DAZAP1: variants seen among roughly 807,000 people sequenced by gnomAD.
The protein encoded by DAZAP1 is DAZ-associated protein 1.
Under a neutral mutation model 60.1 loss-of-function variants are expected in DAZAP1, and 6 were observed. The ratio of observed to expected loss-of-function variants is 0.10; its 90% confidence interval spans 0.05 to 0.20. The LOEUF (loss-of-function observed/expected upper bound fraction) is 0.20, where lower values mean the gene tolerates loss of function less well. Among genes scored for constraint, DAZAP1 ranks in the 10% least tolerant of loss-of-function variants. DAZAP1 has a pLI of 1.00. For synonymous variants in DAZAP1, 235 were observed against 215.9 expected (o/e 1.09, Z -0.78); for missense variants, 366 against 560.4 (o/e 0.65, Z 3.50).
At chr19:1,431,803 C>T (rs2083459257) in intron 10 of DAZAP1, among the ~76,000 whole-genome samples, 1 of 152,180 alleles carries the variant, frequency 6.6e-6, no homozygotes, top group African/African-American at 2.4e-5. Context: ...GATTGCACCT[C>T]ACAGCACGCA....
chr19:1,433,460 C>T lies in DAZAP1; in HGVS notation c.1048+770C>T, dbSNP rs1007225041. 7 of 469,836 alleles carry T rather than the reference C, an allele frequency of 1.5e-5. No individual in the cohort carries two copies. Among genetic ancestry groups the T allele is most frequent in the South Asian group, 1.0e-4 (4 of 39,358 alleles). The allele number at this position is 469,836 out of a possible 1,614,324, so 29.1% of individuals were successfully genotyped here. A position where few individuals can be genotyped will look rare whatever the true frequency, so the allele number is the denominator to read the frequency against. The stretch of plus-strand genomic sequence containing the variant: ...CGGGCTTCCGGGGTGCCTGTGAACA[C>T]GCTTCCTCTAGGCCTGGTGGAGGCC... On this transcript the variant is annotated intron_variant, in intron 11 of 11. Coordinates refer to ENST00000233078, the MANE Select transcript of DAZAP1 (RefSeq NM_018959.4). This position sits in a 1 kb window ranked among gnomAD's most constrained non-coding sequence, Gnocchi z 6.1.
Position 1,407,727 on chromosome 19 carries a change from G to C in DAZAP1, c.-47G>C. Reference sequence around the variant, plus strand: ...AGCGGGTGACCTTCCGGAGGCGGGAGCGAGCGAGGAGGCCCGGGAGCGCCG... The same window carrying C: ...AGCGGGTGACCTTCCGGAGGCGGGACCGAGCGAGGAGGCCCGGGAGCGCCG... On this transcript the variant is annotated 5_prime_UTR_variant, in exon 1 of 12. Transcript: ENST00000233078. 1 of 1,073,770 alleles carries C rather than the reference G, an allele frequency of 9.3e-7. No homozygotes were observed. Among genetic ancestry groups the C allele is most frequent in the South Asian group, 4.1e-5 (1 of 24,458 alleles). The allele number at this position is 1,073,770 out of a possible 1,614,324, so 66.5% of individuals were successfully genotyped here.
chr19:1,408,086 A>T (rs1036101520), intron 1 of DAZAP1, among the ~76,000 whole-genome samples: 9 of 145,352 alleles, frequency 6.2e-5, no homozygotes, highest in Non-Finnish European at 1.4e-4. Context: ...CCGCCTCCAG[A>T]CTTCCTGGTC....
chr19:1,420,554 G>A (rs533829149), intron 4 of DAZAP1, among the ~76,000 whole-genome samples: 3 of 151,982 alleles, frequency 2.0e-5, no homozygotes, highest in Non-Finnish European at 4.4e-5. Flanking sequence ...AGGGCAGCCC[G>A]GGAGCTGGAC....
chr19:1,410,201 A>C (rs2082786223), intron 1 of DAZAP1: 1 of 152,296 alleles, frequency 6.6e-6, no homozygotes, highest in African/African-American at 2.4e-5. Context: ...GATGAAAGTC[A>C]GCTGAGGCCT....
chr19:1,412,387 C>T (rs2144714101), intron 1 of DAZAP1, among the ~76,000 whole-genome samples: 1 of 151,432 alleles, frequency 6.6e-6, no homozygotes, highest in Non-Finnish European at 1.5e-5. Context: ...GTTCCCCACA[C>T]ATCAGCCGCC....
At position 1,434,442 on chromosome 19, in the gene DAZAP1, C is replaced by T; in HGVS notation, c.1049-295C>T. The T allele has an allele frequency of 2.8e-6, 1 of 361,960 alleles. No individual in the cohort carries two copies. Among genetic ancestry groups the T allele is most frequent in the Non-Finnish European group, 5.1e-6 (1 of 197,154 alleles). The allele number at this position is 361,960 out of a possible 1,614,324, so 22.4% of individuals were successfully genotyped here. ...CCGAGGCTTCTCTACCTCCCCTCAC[C>T]CCCCCAACCACGTCTTCGGGATTGA... On this transcript the variant is annotated intron_variant, in intron 11 of 11. Transcript: ENST00000233078. The surrounding 1 kb of genome is among the most constrained non-coding windows in gnomAD (Gnocchi z 8.0).
intron 1 of DAZAP1, 44 bp downstream of exon 1, chr19:1,407,846 G>GCCCGCCGCTC (rs1233234044): frequency 1.6e-5 from 17 of 1,057,274 alleles, no homozygotes; most frequent in Middle Eastern, 8.6e-4. Flanking sequence ...CCCGAGCCCG[G>GCCCGCCGCTC]CCCGCCGCTC....
In DAZAP1 at chr19:1,432,164, G is replaced by T; in HGVS notation, c.872-350G>T. 3.0e-6 allele frequency: 1 copy of T among 335,798 alleles called. No individual in the cohort carries two copies. Among genetic ancestry groups the T allele is most frequent in the Non-Finnish European group, 5.6e-6 (1 of 179,510 alleles). 20.8% of individuals were successfully genotyped at this position (335,798 alleles called of 1,614,324 possible). Reference sequence around the variant, plus strand: ...GGCAGCTTCCTAAACATGGGGACTGGGCATGGTGGCAGGTTTTTGTCCTTC... The same window carrying T: ...GGCAGCTTCCTAAACATGGGGACTGTGCATGGTGGCAGGTTTTTGTCCTTC... On this transcript the variant is annotated intron_variant, in intron 10 of 11. Transcript: ENST00000233078. The surrounding 1 kb of genome is among the most constrained non-coding windows in gnomAD (Gnocchi z 4.9).
Position 1,422,210 on chromosome 19 carries a change from G to A in DAZAP1, c.415-138G>A, listed in dbSNP as rs1053050557. ...CAGACAGCAGCCCCACGGAGCAGCT[G>A]TTGCCCGTGCACCTCCCCCGCTCAG... On this transcript the variant is annotated intron_variant, in intron 5 of 11. Transcript: ENST00000233078. This position sits in a 1 kb window ranked among gnomAD's most constrained non-coding sequence, Gnocchi z 4.5. 1.4e-6 allele frequency: 1 copy of A among 723,564 alleles called. No homozygotes were observed. The highest frequency in any genetic ancestry group is 2.1e-5 in the Admixed American group (1 of 46,734). 44.8% of individuals were successfully genotyped at this position (723,564 alleles called of 1,614,324 possible).
rs969922625 is a variant in DAZAP1 at position 1,433,667 on chromosome 19, C to T, written c.1048+977C>T. The T allele has an allele frequency of 1.1e-5, 14 of 1,279,430 alleles. No homozygotes were observed. The highest frequency in any genetic ancestry group is 2.4e-4 in the Middle Eastern group (1 of 4,234). The allele number at this position is 1,279,430 out of a possible 1,614,324, so 79.3% of individuals were successfully genotyped here. ...GGGGGTGTGAGGCGCCCGGTTGGGGCGTGGCGTGTGTCAGCCGCTGCTCTT... is the reference window on the plus strand; with the variant it reads ...GGGGGTGTGAGGCGCCCGGTTGGGGTGTGGCGTGTGTCAGCCGCTGCTCTT... On this transcript the variant is annotated intron_variant, in intron 11 of 11. Transcript: ENST00000233078. The surrounding 1 kb of genome is among the most constrained non-coding windows in gnomAD (Gnocchi z 6.1).
At chr19:1,414,628 C>G (rs1004106104) in intron 1 of DAZAP1, among the ~76,000 whole-genome samples, 1 of 151,578 alleles carries the variant, frequency 6.6e-6, no homozygotes, top group African/African-American at 2.4e-5. Flanking sequence ...CCCAGCTACT[C>G]GGGAGGCTGA....
rs543885684 is a variant in DAZAP1 at position 1,412,733 on chromosome 19, A to G, written c.30-4767A>G. 3.9e-5 allele frequency among the ~76,000 whole-genome samples: 6 copies of G among 152,350 alleles called. No homozygotes were observed. In the East Asian group the frequency reaches 1.2e-3, roughly 29 times the overall value. On this transcript the variant is annotated intron_variant, in intron 1 of 11. Transcript: ENST00000233078. Reference sequence around the variant, plus strand: ...CACGCAGCAAGCGAGGTTGCCATCCAAAACGGCTTTTGCTTTAACAGGCAG... The same window carrying G: ...CACGCAGCAAGCGAGGTTGCCATCCGAAACGGCTTTTGCTTTAACAGGCAG...
chr19:1,417,196 G>T, intron 1 of DAZAP1: 1 of 453,570 alleles, frequency 2.2e-6, no homozygotes, highest in Non-Finnish European at 3.9e-6. Context: ...CAGTGCAGGT[G>T]AGCGTGGTGC....
In DAZAP1 at chr19:1,418,661, T is replaced by C. The variant is rs1019930931; in HGVS notation, c.238-5T>C. 6 of 1,613,892 alleles carry C rather than the reference T, an allele frequency of 3.7e-6. No individual in the cohort carries two copies. The highest frequency in any genetic ancestry group is 1.7e-5 in the Admixed American group (1 of 59,992). ...CACAACCAGCTGATTTGAAATTTCC[T>C]GCAGATCGACCCCAAGCCATGCACA... On this transcript the variant is annotated splice_polypyrimidine_tract_variant and splice_region_variant and intron_variant, in intron 3 of 11. Transcript: ENST00000233078. This position sits in a 1 kb window ranked among gnomAD's most constrained non-coding sequence, Gnocchi z 5.7.
chr19:1,427,585 T>C (rs1381220639), intron 7 of DAZAP1: 1 of 152,282 alleles, frequency 6.6e-6, no homozygotes, highest in Non-Finnish European at 1.5e-5. Context: ...AGAATTTTTT[T>C]TTGTTTTTGT....
chr19:1,413,520 C>G (rs891434874), intron 1 of DAZAP1, among the ~76,000 whole-genome samples: 79 of 152,374 alleles, frequency 5.2e-4, no homozygotes, highest in African/African-American at 1.9e-3. Context: ...TCCGGGACTT[C>G]CCGGAGGCTT....
At chr19:1,429,217 G>C (rs534927785) in intron 8 of DAZAP1, among the ~76,000 whole-genome samples, 1 of 152,258 alleles carries the variant, frequency 6.6e-6, no homozygotes, top group Non-Finnish European at 1.5e-5. Context: ...TTAGGTGCCC[G>C]TCCGGGGCCT....
chr19:1,430,091 C>T (rs566908023), intron 9 of DAZAP1, 95 bp downstream of exon 9: 46 of 1,579,394 alleles, frequency 2.9e-5, no homozygotes, highest in Admixed American at 1.9e-4. Context: ...GCCTGGTTCC[C>T]GTGTCCTGAG....
Sources: gnomAD v4.1 joint callset for allele counts (sites outside exome capture counted in the v4.1 genomes callset) on GRCh38, gnomAD v4.1.1 for gene constraint, Gnocchi (gnomAD v3.1) non-coding constraint, MANE v1.5 for transcripts, NCBI Gene and HGNC (gene_info 2026-07-23, HGNC 2026-07-21) for gene names.